DTNB: variants seen among roughly 807,000 people sequenced by gnomAD.
DTNB encodes the protein DTN-B.
In DTNB, 63 loss-of-function variants were observed where a neutral mutation model predicts 90.7. The ratio of observed to expected loss-of-function variants is 0.69; its 90% confidence interval spans 0.57 to 0.86. The LOEUF is 0.86. Among genes scored for constraint, DTNB ranks in the 40% least tolerant of loss-of-function variants. The pLI, the probability that DTNB is intolerant of heterozygous loss-of-function variation, is 0.00. For missense variants in DTNB, 744 were observed against 807.1 expected, an observed-to-expected ratio of 0.92 and a Z score of 0.95; for synonymous variants, 277 against 286.7, an observed-to-expected ratio of 0.97 and a Z score of 0.34.
intron 8 of DTNB, chr2:25,558,302 T>G (rs965358344): frequency 8.1e-6 from 8 of 985,310 alleles, no homozygotes; most frequent in Admixed American, 1.2e-4. Flanking sequence ...TTTGAGTTAA[T>G]GCAGAAACAG....
At chr2:25,546,943 C>G (rs898090344) in intron 8 of DTNB, among the ~76,000 whole-genome samples, 8 of 151,960 alleles carry the variant, frequency 5.3e-5, no homozygotes, top group Non-Finnish European at 7.4e-5. Flanking sequence ...ATCTCTTGGC[C>G]TCAAGTAATC....
intron 8 of DTNB, among the ~76,000 whole-genome samples, chr2:25,573,922 T>C (rs1436988032): frequency 6.6e-6 from 1 of 152,224 alleles, no homozygotes; most frequent in Admixed American, 6.5e-5. Context: ...CCATCCATCA[T>C]TCAAGGACCC....
At chr2:25,491,322 C>T (rs1318621153) in intron 9 of DTNB, among the ~76,000 whole-genome samples, 1 of 152,126 alleles carries the variant, frequency 6.6e-6, no homozygotes, top group Non-Finnish European at 1.5e-5. Context: ...CACCACCACT[C>T]CTCAAAAATG....
At chr2:25,504,239 G>C (rs561502381) in intron 9 of DTNB, among the ~76,000 whole-genome samples, 1 of 151,820 alleles carries the variant, frequency 6.6e-6, no homozygotes, top group East Asian at 1.9e-4. Context: ...CTACACTCTA[G>C]CCTGGGTGAC....
rs2070733880 is a variant in DTNB at position 25,501,607 on chromosome 2, C to T, written c.1002-18734G>A. 2.0e-5 allele frequency among the ~76,000 whole-genome samples: 3 copies of T among 152,228 alleles called. No individual in the cohort carries two copies. In the South Asian group the frequency reaches 6.2e-4, roughly 32 times the overall value. On this transcript the variant is annotated intron_variant, in intron 9 of 20. Transcript: ENST00000406818. ...GGCCAGGCTGCTCTTGAACTTCTGA[C>T]CTCAAGAGATCAGCCTTGGCCTCCC...
intron 5 of DTNB, among the ~76,000 whole-genome samples, chr2:25,599,214 G>T (rs533345770): frequency 1.3e-5 from 2 of 151,226 alleles, no homozygotes; most frequent in African/African-American, 4.9e-5. Context: ...ACGGAATAAA[G>T]GAAGTTTAAA....
rs760258280 is a variant in DTNB, at chr2:25,649,949, G to A, written c.67+2645C>T. 7.5e-6 allele frequency: 7 copies of A among 931,750 alleles called. No individual in the cohort carries two copies. In the Admixed American group the frequency reaches 2.5e-4, roughly 33 times the overall value. The allele number at this position is 931,750 out of a possible 1,614,324, so 57.7% of individuals were successfully genotyped here. On this transcript the variant is annotated intron_variant, in intron 2 of 20. Coordinates refer to ENST00000406818, the MANE Select transcript of DTNB (RefSeq NM_021907.5). ...TGGAAATGAGGGGGTGGGGCTTCCA[G>A]CAGCAGACACTATAGTCACCCATGC...
chr2:25,427,528 C>T lies in DTNB; in HGVS notation c.1554+7G>A. 1.9e-6 allele frequency: 3 copies of T among 1,613,610 alleles called. No homozygotes were observed. Among genetic ancestry groups the T allele is most frequent in the Non-Finnish European group, 1.7e-6 (2 of 1,179,708 alleles). On this transcript the variant is annotated splice_region_variant and intron_variant, in intron 15 of 20. Transcript: ENST00000406818. Reference sequence around the variant, plus strand: ...ACAAGAACTGAGCGTGGGCCACGGGCTCTTACCTTCAGCAACTTCATCAGC... The same window carrying T: ...ACAAGAACTGAGCGTGGGCCACGGGTTCTTACCTTCAGCAACTTCATCAGC...
At chr2:25,596,362 G>T in intron 5 of DTNB, 122 bp from the exon 6 acceptor site, 5 of 1,169,588 alleles carry the variant, frequency 4.3e-6, no homozygotes, top group Non-Finnish European at 5.8e-6. Context: ...AAATTATTGT[G>T]ACTTTTAGTT....
At position 25,448,714 on chromosome 2, in the gene DTNB, C is replaced by T. The variant is rs376451559; in HGVS notation, c.1257+2834G>A. Among the ~76,000 whole-genome samples, 9 of 151,940 alleles carry T rather than the reference C, an allele frequency of 5.9e-5. No individual in the cohort carries two copies. In the East Asian group the frequency reaches 7.7e-4, roughly 13 times the overall value. On this transcript the variant is annotated intron_variant, in intron 12 of 20. Coordinates refer to ENST00000406818, the MANE Select transcript of DTNB (RefSeq NM_021907.5). ...CTAAAAATACAAAAAATTAGCCGGG[C>T]GTGGTGGCGGGCACCTGTAGTCCCA... is the stretch of plus-strand genomic sequence containing the variant.
intron 8 of DTNB, among the ~76,000 whole-genome samples, chr2:25,556,866 G>C (rs2057446886): frequency 1.3e-5 from 2 of 152,194 alleles, no homozygotes; most frequent in Non-Finnish European, 2.9e-5. Flanking sequence ...AGTGTATTAG[G>C]CAACTGCAAA....
intron 2 of DTNB, among the ~76,000 whole-genome samples, chr2:25,651,590 T>C (rs1042825829): frequency 6.6e-6 from 1 of 152,200 alleles, no homozygotes; most frequent in Non-Finnish European, 1.5e-5. Context: ...TTCTTCTTTA[T>C]CACCCCTAAC....
At chr2:25,430,462 G>A (rs748597105) in intron 14 of DTNB, among the ~76,000 whole-genome samples, 3 of 151,774 alleles carry the variant, frequency 2.0e-5, no homozygotes, top group Non-Finnish European at 4.4e-5. Flanking sequence ...GGTATAAGCT[G>A]AACATGAATG....
chr2:25,465,987 A>G (rs1241804274), intron 10 of DTNB, among the ~76,000 whole-genome samples: 2 of 152,314 alleles, frequency 1.3e-5, no homozygotes, highest in African/African-American at 4.8e-5. Context: ...TGCTCAGCAA[A>G]TATTTGCTGA....
At chr2:25,638,971 G>C in intron 3 of DTNB, 43 bp downstream of exon 3, 2 of 1,482,312 alleles carry the variant, frequency 1.3e-6, no homozygotes, top group Non-Finnish European at 1.8e-6. Context: ...CTAATATTGA[G>C]AACTCTATCC....
intron 12 of DTNB, 37 bp from the exon 13 acceptor site, chr2:25,434,032 CT>C: frequency 1.6e-6 from 2 of 1,248,042 alleles, no homozygotes; most frequent in Non-Finnish European, 2.3e-6. Flanking sequence ...TTTTTTTTTT[CT>C]GATCCAAATA....
At chr2:25,531,729 T>C in intron 8 of DTNB, 132 bp from the exon 9 acceptor site, 1 of 1,249,788 alleles carries the variant, frequency 8.0e-7, no homozygotes, top group East Asian at 2.6e-5. Flanking sequence ...ATTACATCAA[T>C]ATCATTGGGC....
At chr2:25,560,606 G>T (rs2058109345) in intron 8 of DTNB, among the ~76,000 whole-genome samples, 1 of 151,798 alleles carries the variant, frequency 6.6e-6, no homozygotes, top group South Asian at 2.1e-4. Flanking sequence ...ACCAGGATTG[G>T]ACCTATATCA....
intron 8 of DTNB, among the ~76,000 whole-genome samples, chr2:25,541,013 GA>G (rs780932174): frequency 1.6e-5 from 2 of 124,094 alleles, no homozygotes; most frequent in African/African-American, 3.1e-5. Context: ...CCCTCTGCGA[GA>G]AACACCCAAG....
Sources: gnomAD v4.1 joint callset for allele counts (sites outside exome capture counted in the v4.1 genomes callset) on GRCh38, gnomAD v4.1.1 for gene constraint, MANE v1.5 for transcripts, NCBI Gene and HGNC (gene_info 2026-07-23, HGNC 2026-07-21) for gene names.